The following GRID2 variants were observed in gnomAD, a reference collection of about 807,000 sequenced individuals.
GRID2 encodes glutamate ionotropic receptor delta type subunit 2.
In GRID2, 33 loss-of-function variants were observed where a neutral mutation model predicts 114.8. The ratio of observed to expected loss-of-function variants is 0.29; its 90% CI spans 0.22 to 0.38. The LOEUF is 0.38. Ranked by LOEUF, GRID2 falls within the 10% of genes least tolerant of loss-of-function variation. The pLI is 1.00. For synonymous variants in GRID2, 505 were observed against 449.9 expected (o/e 1.12, Z -1.55); for missense variants, 1,184 against 1,257.7 (o/e 0.94, Z 0.89).
rs949717396 is a variant in GRID2, at chr4:93,220,835, C to T, written c.964-3779C>T. The stretch of plus-strand genomic sequence containing the variant: ...ATTCTTGGACCTAATATTTTTAAAA[C>T]GTCTATCACTACGTGAATGAAGATG... On this transcript the variant is annotated intron_variant, in intron 6 of 15. Coordinates refer to ENST00000282020, the MANE Select transcript of GRID2 (RefSeq NM_001510.4). Among the ~76,000 whole-genome samples, 11 of 152,092 alleles carry T rather than the reference C, an allele frequency of 7.2e-5. No individual in the cohort carries two copies. The South Asian group carries it at 1.2e-3, about 17-fold the overall frequency.
At chr4:92,314,162 C>A (rs1725847832) in intron 1 of GRID2, among the ~76,000 whole-genome samples, 1 of 151,620 alleles carries the variant, frequency 6.6e-6, no homozygotes, top group African/African-American at 2.4e-5. Flanking sequence ...CTGAAATTAA[C>A]CTGAGAGACA....
intron 1 of GRID2, among the ~76,000 whole-genome samples, chr4:92,375,382 A>T (rs975810127): frequency 6.6e-6 from 1 of 152,124 alleles, no homozygotes; most frequent in African/African-American, 2.4e-5. Context: ...TATTCATTGC[A>T]TCTTGTGACT....
At chr4:92,711,863 A>G (rs1383509295) in intron 2 of GRID2, among the ~76,000 whole-genome samples, 1 of 152,198 alleles carries the variant, frequency 6.6e-6, no homozygotes, top group Non-Finnish European at 1.5e-5. Flanking sequence ...TGATCCTGCC[A>G]CTGCATTCCA....
chr4:93,601,130 T>A (rs1739636686), intron 13 of GRID2, among the ~76,000 whole-genome samples: 1 of 152,222 alleles, frequency 6.6e-6, no homozygotes, highest in African/African-American at 2.4e-5. Flanking sequence ...AGACTCAAAA[T>A]CTGTGCTTTT....
Position 93,278,447 on chromosome 4 carries a change from C to T in GRID2, c.1245+39957C>T, listed in dbSNP as rs572536340. Among the ~76,000 whole-genome samples the T allele has an allele frequency of 5.3e-5, 8 of 151,712 alleles. No individual in the cohort carries two copies. The East Asian group carries it at 5.9e-4, about 11-fold the overall frequency. ...AGGAAGAAATGGTTATGGTGCAACA[C>T]GGGGTGGAGGAATGGCTCTTAGTGC... On this transcript the variant is annotated intron_variant, in intron 8 of 15. Coordinates refer to ENST00000282020, the MANE Select transcript of GRID2 (RefSeq NM_001510.4).
chr4:92,956,265 G>T (rs1752402682), intron 2 of GRID2, among the ~76,000 whole-genome samples: 1 of 152,088 alleles, frequency 6.6e-6, no homozygotes, highest in Admixed American at 6.6e-5. Context: ...GTTAAAGTTA[G>T]AACTCACTTT....
chr4:93,088,850 T>A (rs1730545675), intron 3 of GRID2, among the ~76,000 whole-genome samples: 1 of 152,020 alleles, frequency 6.6e-6, no homozygotes, highest in Admixed American at 6.6e-5. Flanking sequence ...CTAGGAAGTA[T>A]CAGATCAGAG....
chr4:92,406,065 T>C, intron 1 of GRID2, among the ~76,000 whole-genome samples: 1 of 152,094 alleles, frequency 6.6e-6, no homozygotes, highest in Admixed American at 6.6e-5. Flanking sequence ...TCTCTCCTCT[T>C]CACATTTTTC....
intron 2 of GRID2, among the ~76,000 whole-genome samples, chr4:92,871,621 T>C (rs1745286442): frequency 6.6e-6 from 1 of 152,128 alleles, no homozygotes; most frequent in Admixed American, 6.6e-5. Context: ...GAAGAGGGTA[T>C]AGGAAGCCAA....
chr4:93,500,431 T>G (rs893056905), intron 12 of GRID2, among the ~76,000 whole-genome samples: 2 of 151,992 alleles, frequency 1.3e-5, no homozygotes, highest in African/African-American at 4.8e-5. Context: ...GCCCCCATTT[T>G]GATGGTATTT....
In GRID2 at chr4:93,112,642, T is replaced by G. The variant is rs187590065; in HGVS notation, c.735+1689T>G. ...CTTGGGTAGTTCATTATAGCAGAGA[T>G]AATGCTAGTGTATTCCTTTGCTAGA... is the stretch of plus-strand genomic sequence containing the variant. On this transcript the variant is annotated intron_variant, in intron 4 of 15. Coordinates refer to ENST00000282020, the MANE Select transcript of GRID2 (RefSeq NM_001510.4). Among the ~76,000 whole-genome samples, 5 of 152,238 alleles carry G rather than the reference T, an allele frequency of 3.3e-5. No homozygotes were observed. The East Asian group carries it at 7.7e-4, about 24-fold the overall frequency.
chr4:93,730,508 C>G (rs1408523459), intron 14 of GRID2, among the ~76,000 whole-genome samples: 1 of 152,168 alleles, frequency 6.6e-6, no homozygotes, highest in African/African-American at 2.4e-5. Flanking sequence ...TAATCTCTTC[C>G]TGCAGTAGTG....
At chr4:92,442,222 T>G (rs1560632672) in intron 1 of GRID2, among the ~76,000 whole-genome samples, 1 of 151,702 alleles carries the variant, frequency 6.6e-6, no homozygotes, top group Non-Finnish European at 1.5e-5. Flanking sequence ...TCGGGCGGTG[T>G]TAGTTTTCAG....
chr4:93,002,332 T>C (rs1332679261), intron 2 of GRID2, among the ~76,000 whole-genome samples: 2 of 151,816 alleles, frequency 1.3e-5, no homozygotes, highest in Admixed American at 6.6e-5. Context: ...TTAACCATGA[T>C]GTTCTACTGT....
chr4:93,169,143 T>TACACACAC lies in GRID2; in HGVS notation c.736-38227_736-38220dup, dbSNP rs33953002. 1.6e-3 allele frequency among the ~76,000 whole-genome samples: 215 copies of TACACACAC among 138,188 alleles called. 2 individuals carry two copies. The highest frequency in any genetic ancestry group is 3.8e-3 in the Middle Eastern group (1 of 262). The allele number at this position is 138,188 out of a possible 152,430, so 90.7% of individuals were successfully genotyped here. On this transcript the variant is annotated intron_variant, in intron 4 of 15. Coordinates refer to ENST00000282020, the MANE Select transcript of GRID2 (RefSeq NM_001510.4). The stretch of plus-strand genomic sequence containing the variant: ...AGTGGCTTTTTTCAACACAATGAAA[T>TACACACAC]ACACACACACACACACACACACACA...
intron 8 of GRID2, among the ~76,000 whole-genome samples, chr4:93,245,642 G>A (rs1036667921): frequency 6.6e-6 from 1 of 152,158 alleles, no homozygotes; most frequent in Non-Finnish European, 1.5e-5. Context: ...GGAAAAACGT[G>A]TAGCCTTTGC....
At chr4:92,660,730 G>C (rs368522464) in intron 2 of GRID2, among the ~76,000 whole-genome samples, 2 of 150,682 alleles carry the variant, frequency 1.3e-5, no homozygotes, top group East Asian at 1.9e-4. Flanking sequence ...CATTTCCCTT[G>C]CATATACCCA....
At chr4:93,307,531 T>C (rs1014304570) in intron 8 of GRID2, among the ~76,000 whole-genome samples, 3 of 152,166 alleles carry the variant, frequency 2.0e-5, no homozygotes, top group Non-Finnish European at 4.4e-5. Context: ...CCTTTCATTG[T>C]CTATGATTCT....
At chr4:92,592,869 C>A (rs1280751500) in intron 2 of GRID2, among the ~76,000 whole-genome samples, 1 of 151,676 alleles carries the variant, frequency 6.6e-6, no homozygotes, top group Admixed American at 6.6e-5. Flanking sequence ...AGAAAATATT[C>A]TATTGAAAGA....
Sources: allele counts gnomAD v4.1 joint callset (sites outside exome capture counted in the v4.1 genomes callset), GRCh38; gene constraint gnomAD v4.1.1; transcripts MANE v1.5; gene names NCBI Gene and HGNC (gene_info 2026-07-23, HGNC 2026-07-21).